The following RAB38 variants were observed in gnomAD, a reference collection of about 807,000 sequenced individuals.
RAB38 encodes the protein RAB38, member RAS oncogene family, also known as ras-related protein Rab-38.
RAB38 carries 15 observed loss-of-function variants against 18.4 expected under a neutral mutation model. The ratio of observed to expected loss-of-function variants is 0.82; its 90% CI spans 0.55 to 1.26. The LOEUF (loss-of-function observed/expected upper bound fraction) is 1.26, where lower values mean the gene tolerates loss of function less well. Ranked by LOEUF, RAB38 falls within the 50% of genes most tolerant of loss-of-function variation. RAB38 has a pLI of 0.00. For synonymous variants in RAB38, 101 were observed against 104.4 expected, an observed-to-expected ratio of 0.97 and a Z score of 0.20; for missense variants, 294 against 267.4, an observed-to-expected ratio of 1.10 and a Z score of -0.69.
the RAB38 span, among the ~76,000 whole-genome samples, chr11:87,948,545 C>T: frequency 6.6e-6 from 1 of 151,836 alleles, no homozygotes; most frequent in Admixed American, 6.6e-5. Flanking sequence ...TCATAGATAG[C>T]TCTTATTATT....
the RAB38 span, among the ~76,000 whole-genome samples, chr11:87,900,986 T>C: frequency 6.6e-6 from 1 of 151,662 alleles, no homozygotes; most frequent in African/African-American, 2.4e-5. Context: ...CTATGCTCTC[T>C]GGAACTCTCA....
chr11:88,169,317 C>T (rs1273346048), intron 1 of RAB38, among the ~76,000 whole-genome samples: 1 of 152,158 alleles, frequency 6.6e-6, no homozygotes, highest in Non-Finnish European at 1.5e-5. Context: ...TAAGTGGGGG[C>T]AAATATGCAT....
the RAB38 span, among the ~76,000 whole-genome samples, chr11:88,027,271 G>A: frequency 6.6e-6 from 1 of 152,116 alleles, no homozygotes; most frequent in East Asian, 1.9e-4. Context: ...AACAGCTCCA[G>A]TCTACAGCTC....
chr11:88,028,674 A>G, the RAB38 span, among the ~76,000 whole-genome samples: 1 of 152,190 alleles, frequency 6.6e-6, no homozygotes, highest in East Asian at 1.9e-4. Flanking sequence ...GGAGAAGTTT[A>G]GAGAAAAAAG....
chr11:88,009,780 G>A, the RAB38 span, among the ~76,000 whole-genome samples: 9 of 152,136 alleles, frequency 5.9e-5, no homozygotes, highest in Non-Finnish European at 7.4e-5. Flanking sequence ...CATTGTGGCT[G>A]ACACATTTTG....
At chr11:88,121,405 T>C (rs1942627081) in intron 2 of RAB38, among the ~76,000 whole-genome samples, 1 of 152,318 alleles carries the variant, frequency 6.6e-6, no homozygotes, top group East Asian at 1.9e-4. Flanking sequence ...AACAGGGGTA[T>C]AGAGAAATTA....
At chr11:87,963,596 T>C in the RAB38 span, among the ~76,000 whole-genome samples, 4 of 152,044 alleles carry the variant, frequency 2.6e-5, no homozygotes, top group Admixed American at 2.0e-4. Flanking sequence ...TAAAACATCA[T>C]GTTAAATTCC....
chr11:87,927,452 G>C, the RAB38 span, among the ~76,000 whole-genome samples: 134 of 151,988 alleles, frequency 8.8e-4, 1 homozygote, highest in African/African-American at 3.1e-3. Context: ...CTCCTGAACA[G>C]AGTTCTCTAA....
At chr11:87,815,535 T>C in the RAB38 span, 1 of 152,004 alleles carries the variant, frequency 6.6e-6, no homozygotes, top group Admixed American at 6.6e-5. Flanking sequence ...CCGTGAAGGA[T>C]TGTTAGATCA....
the RAB38 span, among the ~76,000 whole-genome samples, chr11:88,065,269 T>A: frequency 6.6e-6 from 1 of 152,228 alleles, no homozygotes; most frequent in Non-Finnish European, 1.5e-5. Context: ...TAATATTTTA[T>A]TTATAATTCT....
At chr11:88,145,425 C>T (rs1046695944) in intron 2 of RAB38, among the ~76,000 whole-genome samples, 3 of 151,954 alleles carry the variant, frequency 2.0e-5, no homozygotes, top group African/African-American at 2.4e-5. Flanking sequence ...GAGATTACAG[C>T]CGTGAGCCAC....
chr11:87,872,614 T>A, the RAB38 span, among the ~76,000 whole-genome samples: 1 of 151,628 alleles, frequency 6.6e-6, no homozygotes, highest in South Asian at 2.1e-4. Flanking sequence ...CTCCCTGCCC[T>A]CTAACCCTGG....
the RAB38 span, among the ~76,000 whole-genome samples, chr11:87,955,796 C>T: frequency 1.3e-5 from 2 of 151,382 alleles, no homozygotes; most frequent in Non-Finnish European, 1.5e-5. Context: ...TCTAGGTCAC[C>T]GTTTTCACAC....
chr11:87,958,998 G>T, the RAB38 span, among the ~76,000 whole-genome samples: 1 of 152,104 alleles, frequency 6.6e-6, no homozygotes, highest in African/African-American at 2.4e-5. Flanking sequence ...ATAATGAAAT[G>T]ATGGAAACAC....
At chr11:88,152,998 T>G (rs533346725) in intron 1 of RAB38, among the ~76,000 whole-genome samples, 2 of 151,520 alleles carry the variant, frequency 1.3e-5, no homozygotes, top group East Asian at 3.9e-4. Flanking sequence ...TGGCTCATGA[T>G]TCAGCTTTCA....
chr11:88,122,280 A>G (rs1942640160), intron 2 of RAB38, among the ~76,000 whole-genome samples: 1 of 152,230 alleles, frequency 6.6e-6, no homozygotes, highest in Admixed American at 6.5e-5. Context: ...TATTGCCTCT[A>G]TTAATATTTT....
chr11:88,153,127 C>T (rs1207338192), intron 1 of RAB38, among the ~76,000 whole-genome samples: 1 of 152,206 alleles, frequency 6.6e-6, no homozygotes, highest in African/African-American at 2.4e-5. Context: ...AGTCAGAAGG[C>T]ATGGTCTTAA....
the RAB38 span, among the ~76,000 whole-genome samples, chr11:88,016,690 A>G: frequency 6.6e-6 from 1 of 152,048 alleles, no homozygotes; most frequent in African/African-American, 2.4e-5. Flanking sequence ...TTCCTGGTGT[A>G]AAAATGTTTT....
At chr11:88,096,907 G>C in the RAB38 span, among the ~76,000 whole-genome samples, 1 of 151,676 alleles carries the variant, frequency 6.6e-6, no homozygotes, top group Non-Finnish European at 1.5e-5. Flanking sequence ...GAAGGGGCGA[G>C]GGGGGACTCT....
Sources: gnomAD v4.1 joint callset for allele counts (sites outside exome capture counted in the v4.1 genomes callset) on GRCh38, gnomAD v4.1.1 for gene constraint, MANE v1.5 for transcripts, NCBI Gene and HGNC (gene_info 2026-07-23, HGNC 2026-07-21) for gene names.